The following MBD5 variants were observed in gnomAD, a reference collection of about 807,000 sequenced individuals.
MBD5 encodes the protein methyl-CpG binding domain protein 5, also known as methyl-CpG-binding domain protein 5.
Under a neutral mutation model 117.3 loss-of-function variants are expected in MBD5, and 13 were observed. That is an observed-to-expected ratio of 0.11 (90% CI 0.07 to 0.18). The LOEUF (loss-of-function observed/expected upper bound fraction) is 0.18. Ranked by LOEUF, MBD5 falls within the 10% of genes least tolerant of loss-of-function variation. The pLI, the probability that MBD5 is intolerant of heterozygous loss-of-function variation, is 1.00. For missense variants in MBD5, 1,879 were observed against 2,093.8 expected, an observed-to-expected ratio of 0.90 and a Z score of 2.00; for synonymous variants, 727 against 766.4, an observed-to-expected ratio of 0.95 and a Z score of 0.85.
At chr2:148,241,262 T>C (rs902124838) in intron 3 of MBD5, among the ~76,000 whole-genome samples, 1 of 152,146 alleles carries the variant, frequency 6.6e-6, no homozygotes, top group African/African-American at 2.4e-5. Context: ...GTTTGATGTT[T>C]TGTTAGAGAG....
At chr2:148,402,072 A>G (rs543004217) in intron 4 of MBD5, among the ~76,000 whole-genome samples, 2 of 152,182 alleles carry the variant, frequency 1.3e-5, no homozygotes, top group South Asian at 4.2e-4. Flanking sequence ...CTTATTATTG[A>G]TGAGACTAAC....
At chr2:148,384,443 T>C (rs1047251744) in intron 4 of MBD5, among the ~76,000 whole-genome samples, 1 of 152,100 alleles carries the variant, frequency 6.6e-6, no homozygotes, top group Non-Finnish European at 1.5e-5. Flanking sequence ...TACAAACCAC[T>C]GCTCAATGAA....
intron 2 of MBD5, among the ~76,000 whole-genome samples, chr2:148,221,791 T>A (rs1699693397): frequency 6.6e-6 from 1 of 152,124 alleles, no homozygotes. Flanking sequence ...TTTGTTTTGA[T>A]TGCCTGTGCT....
chr2:148,080,460 GA>G (rs1291071745), intron 1 of MBD5, among the ~76,000 whole-genome samples: 1 of 152,026 alleles, frequency 6.6e-6, no homozygotes, highest in Non-Finnish European at 1.5e-5. Flanking sequence ...ATGATAATAT[GA>G]AAACAACTTT....
At chr2:148,324,695 A>G (rs1702393299) in intron 3 of MBD5, among the ~76,000 whole-genome samples, 1 of 152,022 alleles carries the variant, frequency 6.6e-6, no homozygotes, top group Non-Finnish European at 1.5e-5. Context: ...GTATCCTGAG[A>G]CTTTGCTGAA....
At chr2:148,460,151 C>A (rs568979408) in intron 5 of MBD5, 3 of 152,198 alleles carry the variant, frequency 2.0e-5, no homozygotes, top group Admixed American at 1.3e-4. Context: ...AATGTATATT[C>A]AGCATAGAAC....
At chr2:148,131,935 A>G (rs1212234730) in intron 1 of MBD5, among the ~76,000 whole-genome samples, 1 of 152,046 alleles carries the variant, frequency 6.6e-6, no homozygotes, top group Non-Finnish European at 1.5e-5. Flanking sequence ...TGCTTTTTTG[A>G]ATGCTATTCA....
At chr2:148,501,073 A>G (rs1401140352) in intron 11 of MBD5, among the ~76,000 whole-genome samples, 1 of 152,244 alleles carries the variant, frequency 6.6e-6, no homozygotes, top group African/African-American at 2.4e-5. Flanking sequence ...TGTGTATAAG[A>G]CATTTGTTTG....
chr2:148,313,573 G>A (rs1019979765), intron 3 of MBD5, among the ~76,000 whole-genome samples: 3 of 152,168 alleles, frequency 2.0e-5, no homozygotes, highest in African/African-American at 7.2e-5. Context: ...TTAACTTACT[G>A]GGCTCTGTGG....
intron 2 of MBD5, among the ~76,000 whole-genome samples, chr2:148,187,272 G>C (rs1275921265): frequency 2.0e-5 from 3 of 151,664 alleles, no homozygotes; most frequent in East Asian, 3.9e-4. Flanking sequence ...CTGAATTAGA[G>C]AGTAAGAAAA....
At chr2:148,075,346 A>G (rs1183874424) in intron 1 of MBD5, among the ~76,000 whole-genome samples, 3 of 152,324 alleles carry the variant, frequency 2.0e-5, no homozygotes, top group African/African-American at 7.2e-5. Flanking sequence ...CCCTGCCACC[A>G]TATCTCTTTT....
At chr2:148,028,935 G>A (rs1279380978) in intron 1 of MBD5, among the ~76,000 whole-genome samples, 1 of 152,094 alleles carries the variant, frequency 6.6e-6, no homozygotes, top group East Asian at 1.9e-4. Flanking sequence ...TTTAGACAAT[G>A]TAATCTAGTT....
intron 1 of MBD5, among the ~76,000 whole-genome samples, chr2:148,092,828 A>T (rs1024535719): frequency 3.7e-5 from 5 of 135,452 alleles, no homozygotes; most frequent in Admixed American, 3.0e-4. Flanking sequence ...AAAAAAAAAA[A>T]TTTAAACAAA....
chr2:148,114,445 G>A (rs1248251405), intron 1 of MBD5, among the ~76,000 whole-genome samples: 1 of 152,108 alleles, frequency 6.6e-6, no homozygotes, highest in Non-Finnish European at 1.5e-5. Context: ...ACTCCAGCCT[G>A]GGCAATAGAG....
chr2:148,105,221 C>T (rs1419726564), intron 1 of MBD5, among the ~76,000 whole-genome samples: 1 of 130,052 alleles, frequency 7.7e-6, no homozygotes. Context: ...ACGTTTCTTT[C>T]TTTTTTTTTT....
At chr2:148,292,451 C>A (rs879336269) in intron 3 of MBD5, among the ~76,000 whole-genome samples, 1 of 152,112 alleles carries the variant, frequency 6.6e-6, no homozygotes, top group Non-Finnish European at 1.5e-5. Flanking sequence ...ATACAAATAG[C>A]AAACAGGTAT....
chr2:148,387,724 T>C (rs1214454608), intron 4 of MBD5, among the ~76,000 whole-genome samples: 1 of 152,018 alleles, frequency 6.6e-6, no homozygotes, highest in Non-Finnish European at 1.5e-5. Context: ...CAAAAATAAG[T>C]TGCATTTCTA....
At chr2:148,060,688 C>CT (rs1456931426) in intron 1 of MBD5, among the ~76,000 whole-genome samples, 2 of 152,000 alleles carry the variant, frequency 1.3e-5, no homozygotes, top group African/African-American at 2.4e-5. Flanking sequence ...TTCAAGTTTC[C>CT]TTTTTTTATA....
chr2:148,141,675 C>T (rs1019402953), intron 1 of MBD5, among the ~76,000 whole-genome samples: 16 of 152,030 alleles, frequency 1.1e-4, no homozygotes, highest in African/African-American at 3.9e-4. Context: ...TGCCTATTGT[C>T]CCAGCTACCC....
Sources: gnomAD v4.1 joint callset for allele counts (sites outside exome capture counted in the v4.1 genomes callset) on GRCh38, gnomAD v4.1.1 for gene constraint, MANE v1.5 for transcripts, NCBI Gene and HGNC (gene_info 2026-07-23, HGNC 2026-07-21) for gene names.